MYO5A: variants seen among roughly 807,000 people sequenced by gnomAD.
MYO5A encodes the protein myosin VA, also known as unconventional myosin-Va.
Under a neutral mutation model 249.7 loss-of-function variants are expected in MYO5A, and 98 were observed. The ratio of observed to expected loss-of-function variants is 0.39; its 90% CI spans 0.33 to 0.46. MYO5A has a LOEUF of 0.46. MYO5A is among the 20% of genes least tolerant of loss of function. The pLI is 0.98. For missense variants in MYO5A, 1,696 were observed against 2,308.8 expected, an observed-to-expected ratio of 0.73 and a Z score of 5.44; for synonymous variants, 778 against 810.6, an observed-to-expected ratio of 0.96 and a Z score of 0.68.
chr15:52,351,170 C>T, intron 28 of MYO5A, 84 bp downstream of exon 28: 1 of 1,023,432 alleles, frequency 9.8e-7, no homozygotes, highest in Non-Finnish European at 1.5e-6. Context: ...TAAGTGTTTG[C>T]TGCATTATAA....
intron 28 of MYO5A, among the ~76,000 whole-genome samples, chr15:52,350,763 C>T (rs967558748): frequency 5.3e-5 from 8 of 152,206 alleles, no homozygotes; most frequent in African/African-American, 1.4e-4. Context: ...CCCACTGGGA[C>T]ATCACCCCGC....
chr15:52,403,874 C>T (rs1019496721), intron 9 of MYO5A, among the ~76,000 whole-genome samples: 3 of 152,156 alleles, frequency 2.0e-5, no homozygotes, highest in Non-Finnish European at 4.4e-5. Context: ...AGGAAAATTA[C>T]ACCTCAAATA....
intron 4 of MYO5A, among the ~76,000 whole-genome samples, chr15:52,419,155 G>A (rs2043667359): frequency 6.6e-6 from 1 of 152,142 alleles, no homozygotes; most frequent in Non-Finnish European, 1.5e-5. Context: ...GTGTTGTCAT[G>A]TACCTTGATG....
rs1489430916 is a variant in MYO5A at position 52,432,929 on chromosome 15, T to C, written c.138+246A>G. ...GGATTAGATGTGAATCTAAACCTGA[T>C]AATCATAATAAATTCACAGGCCAAA... is the stretch of plus-strand genomic sequence containing the variant. On this transcript the variant is annotated intron_variant, in intron 2 of 41. Transcript: ENST00000399233. Among the ~76,000 whole-genome samples, 4 of 152,308 alleles carry C rather than the reference T, an allele frequency of 2.6e-5. No individual in the cohort carries two copies. In the East Asian group the frequency reaches 5.8e-4, roughly 22 times the overall value.
At chr15:52,450,855 T>TTTTTTTTTTTGTTTTTTG (rs2076006166) in intron 1 of MYO5A, among the ~76,000 whole-genome samples, 8 of 144,370 alleles carry the variant, frequency 5.5e-5, no homozygotes, top group African/African-American at 2.1e-4. Flanking sequence ...TTTTTTTTTT[T>TTTTTTTTTTTGTTTTTTG]TTTTTTTTTT....
intron 23 of MYO5A, 30 bp downstream of exon 23, chr15:52,367,001 G>C: frequency 6.5e-7 from 1 of 1,550,080 alleles, no homozygotes; most frequent in South Asian, 1.1e-5. Context: ...TGTGAGGTTG[G>C]TTGGCGTGTA....
At chr15:52,385,845 C>T (rs1371370775) in intron 14 of MYO5A, among the ~76,000 whole-genome samples, 4 of 152,118 alleles carry the variant, frequency 2.6e-5, no homozygotes, top group Admixed American at 2.6e-4. Flanking sequence ...GAGGAAGCCT[C>T]CAAGCTATGT....
chr15:52,442,834 C>T (rs978405046), intron 1 of MYO5A, among the ~76,000 whole-genome samples: 1 of 151,114 alleles, frequency 6.6e-6, no homozygotes, highest in South Asian at 2.1e-4. Flanking sequence ...CGGCTCACTG[C>T]AACCTCCACC....
intron 14 of MYO5A, among the ~76,000 whole-genome samples, chr15:52,384,726 G>A (rs1342705331): frequency 6.6e-6 from 1 of 152,126 alleles, no homozygotes; most frequent in African/African-American, 2.4e-5. Flanking sequence ...AAAAACACTA[G>A]TCCAAGTTTG....
At chr15:52,368,783 A>G (rs1199510606) in intron 22 of MYO5A, among the ~76,000 whole-genome samples, 1 of 152,158 alleles carries the variant, frequency 6.6e-6, no homozygotes, top group Non-Finnish European at 1.5e-5. Context: ...AGTGGGAGAA[A>G]ATGAAATGAA....
intron 18 of MYO5A, 136 bp from the exon 19 acceptor site, chr15:52,376,694 T>C (rs1056624008): frequency 2.6e-6 from 2 of 775,938 alleles, no homozygotes; most frequent in Non-Finnish European, 2.1e-6. Context: ...AATTAACTAA[T>C]GGAGCCAGAT....
At chr15:52,333,503 T>TG (rs1567027636) in intron 34 of MYO5A, among the ~76,000 whole-genome samples, 2 of 152,158 alleles carry the variant, frequency 1.3e-5, no homozygotes, top group African/African-American at 4.8e-5. Flanking sequence ...GCTGCAACCA[T>TG]GGGTCACTTA....
intron 9 of MYO5A, among the ~76,000 whole-genome samples, chr15:52,400,652 T>C (rs1408104054): frequency 1.3e-5 from 2 of 152,320 alleles, no homozygotes; most frequent in African/African-American, 4.8e-5. Flanking sequence ...TGGGTCTCTA[T>C]GATGTTACCT....
chr15:52,349,477 T>C (rs529767104), intron 28 of MYO5A, among the ~76,000 whole-genome samples: 3 of 152,300 alleles, frequency 2.0e-5, no homozygotes, highest in Admixed American at 2.0e-4. Flanking sequence ...GTACCTCAGT[T>C]GGACCGGGTC....
chr15:52,425,780 TTATCA>T, intron 4 of MYO5A, 45 bp downstream of exon 4: 3 of 1,596,572 alleles, frequency 1.9e-6, no homozygotes, highest in Non-Finnish European at 2.6e-6. Context: ...CAAGAAGAAA[TTATCA>T]TATCTAATAA....
At chr15:52,443,616 C>G (rs993395431) in intron 1 of MYO5A, among the ~76,000 whole-genome samples, 1 of 148,696 alleles carries the variant, frequency 6.7e-6, no homozygotes, top group Admixed American at 6.8e-5. Context: ...GAGGCTGAGG[C>G]AGAACTGTTT....
intron 21 of MYO5A, among the ~76,000 whole-genome samples, chr15:52,370,985 T>C (rs62016006): frequency 0.052 from 7,871 of 152,056 alleles, 243 homozygotes; most frequent in South Asian, 0.094. Flanking sequence ...TGGTGGTGTG[T>C]ACCTGTAGTC....
chr15:52,472,715 C>A (rs2076501990), intron 1 of MYO5A, among the ~76,000 whole-genome samples: 1 of 152,140 alleles, frequency 6.6e-6, no homozygotes, highest in Non-Finnish European at 1.5e-5. Flanking sequence ...TTACGAAGGA[C>A]ATGAACTCAT....
chr15:52,480,393 G>A (rs539644719), intron 1 of MYO5A, among the ~76,000 whole-genome samples: 3 of 152,264 alleles, frequency 2.0e-5, no homozygotes, highest in East Asian at 1.9e-4. Context: ...ATTGTTTAGC[G>A]AATGTAAAAT....
Sources: gnomAD v4.1 joint callset for allele counts (sites outside exome capture counted in the v4.1 genomes callset) on GRCh38, gnomAD v4.1.1 for gene constraint, MANE v1.5 for transcripts, NCBI Gene and HGNC (gene_info 2026-07-23, HGNC 2026-07-21) for gene names.